The following B3GALT1 variants were observed in gnomAD, a reference collection of about 807,000 sequenced individuals.
B3GALT1 encodes the protein beta-1,3-galactosyltransferase 1.
B3GALT1 carries 10 observed loss-of-function variants against 23.2 expected under a neutral mutation model. That is an observed-to-expected ratio of 0.43 (90% CI 0.27 to 0.73). The LOEUF is 0.73. Ranked by LOEUF, B3GALT1 falls within the 30% of genes least tolerant of loss-of-function variation. The pLI, the probability that B3GALT1 is intolerant of heterozygous loss-of-function variation, is 0.21. For missense variants in B3GALT1, 299 were observed against 405.4 expected (o/e 0.74, Z 2.25); for synonymous variants, 156 against 141.5 (o/e 1.10, Z -0.73).
intron 1 of B3GALT1, among the ~76,000 whole-genome samples, chr2:167,417,257 C>T (rs773619356): frequency 2.0e-5 from 3 of 151,956 alleles, no homozygotes; most frequent in South Asian, 2.1e-4. Context: ...TAGGATTAAT[C>T]GATTAATGGA....
chr2:167,670,297 C>T (rs367563956), intron 3 of B3GALT1, among the ~76,000 whole-genome samples: 38 of 152,250 alleles, frequency 2.5e-4, no homozygotes, highest in African/African-American at 8.4e-4. Flanking sequence ...AGAAAACATG[C>T]AATCCTAAGA....
chr2:167,301,876 G>T (rs909386915), intron 1 of B3GALT1, among the ~76,000 whole-genome samples: 1 of 152,122 alleles, frequency 6.6e-6, no homozygotes, highest in Non-Finnish European at 1.5e-5. Context: ...CCCAGTCCAA[G>T]ATCAAGGGAC....
intron 2 of B3GALT1, among the ~76,000 whole-genome samples, chr2:167,603,753 C>A (rs1222171618): frequency 6.6e-6 from 1 of 152,150 alleles, no homozygotes; most frequent in Non-Finnish European, 1.5e-5. Context: ...CCTTGAAGTT[C>A]AAATTGTCCT....
intron 2 of B3GALT1, among the ~76,000 whole-genome samples, chr2:167,584,442 A>G (rs1393622069): frequency 6.6e-6 from 1 of 152,198 alleles, no homozygotes; most frequent in Non-Finnish European, 1.5e-5. Flanking sequence ...CAGCACAGTC[A>G]TACACTTCTG....
chr2:167,451,928 C>T (rs567068368), intron 1 of B3GALT1, among the ~76,000 whole-genome samples: 1 of 152,100 alleles, frequency 6.6e-6, no homozygotes, highest in African/African-American at 2.4e-5. Context: ...GGGATTATTG[C>T]TGCCTTTGCT....
intron 1 of B3GALT1, among the ~76,000 whole-genome samples, chr2:167,364,024 C>T (rs930097736): frequency 1.3e-5 from 2 of 151,904 alleles, no homozygotes; most frequent in African/African-American, 4.8e-5. Flanking sequence ...ATTAGCCAGG[C>T]ATGGCGGCTG....
intron 1 of B3GALT1, among the ~76,000 whole-genome samples, chr2:167,330,707 C>T (rs1352990718): frequency 6.6e-6 from 1 of 152,118 alleles, no homozygotes; most frequent in Non-Finnish European, 1.5e-5. Flanking sequence ...ATATCAATCT[C>T]TTTGGTAAAT....
At chr2:167,714,308 C>T in intron 3 of B3GALT1, 2 of 1,496,672 alleles carry the variant, frequency 1.3e-6, no homozygotes, top group Non-Finnish European at 1.9e-6. Flanking sequence ...AGAAGGAGCC[C>T]TGTGAGCATC....
intron 1 of B3GALT1, among the ~76,000 whole-genome samples, chr2:167,437,856 C>T (rs1481367922): frequency 6.6e-6 from 1 of 152,156 alleles, no homozygotes; most frequent in Admixed American, 6.6e-5. Context: ...ATGACCTGAA[C>T]TGGAGATATT....
chr2:167,858,229 T>C (rs1690034633), intron 4 of B3GALT1, among the ~76,000 whole-genome samples: 1 of 151,832 alleles, frequency 6.6e-6, no homozygotes, highest in South Asian at 2.1e-4. Flanking sequence ...CCATTTTTTT[T>C]ACAACAGTGC....
intron 2 of B3GALT1, among the ~76,000 whole-genome samples, chr2:167,591,327 A>G (rs906794118): frequency 2.0e-5 from 3 of 152,104 alleles, no homozygotes; most frequent in Non-Finnish European, 2.9e-5. Context: ...GAGGCAGAGA[A>G]GAACAGTAGG....
chr2:167,566,598 A>G (rs1684175416), intron 2 of B3GALT1, among the ~76,000 whole-genome samples: 1 of 152,282 alleles, frequency 6.6e-6, no homozygotes, highest in South Asian at 2.1e-4. Flanking sequence ...CAGCCTCCTT[A>G]TTTGAATGAC....
At chr2:167,351,306 C>A (rs1697305077) in intron 1 of B3GALT1, among the ~76,000 whole-genome samples, 1 of 150,966 alleles carries the variant, frequency 6.6e-6, no homozygotes, top group Admixed American at 6.6e-5. Context: ...AAACCACACA[C>A]AAAAACAAAA....
chr2:167,575,714 G>C (rs1684369720), intron 2 of B3GALT1, among the ~76,000 whole-genome samples: 1 of 151,762 alleles, frequency 6.6e-6, no homozygotes, highest in East Asian at 1.9e-4. Flanking sequence ...CCTTTTAATT[G>C]AAGTTTTACG....
At chr2:167,657,284 T>TTGAATCCTCGGGACTGGC (rs1685971199) in intron 3 of B3GALT1, among the ~76,000 whole-genome samples, 1 of 152,070 alleles carries the variant, frequency 6.6e-6, no homozygotes, top group South Asian at 2.1e-4. Context: ...TTTTTGATCA[T>TTGAATCCTCGGGACTGGC]TGAATCCTCG....
chr2:167,536,996 G>A (rs545478236), intron 2 of B3GALT1, among the ~76,000 whole-genome samples: 9 of 152,182 alleles, frequency 5.9e-5, no homozygotes, highest in African/African-American at 2.2e-4. Flanking sequence ...GCAGATCCCT[G>A]GGCCAACTAA....
chr2:167,430,780 A>G (rs1192871210), intron 1 of B3GALT1, among the ~76,000 whole-genome samples: 2 of 152,166 alleles, frequency 1.3e-5, no homozygotes, highest in Non-Finnish European at 2.9e-5. Flanking sequence ...CAACATTATC[A>G]TCATTATTAT....
At chr2:167,757,255 A>C (rs546139854) in intron 3 of B3GALT1, among the ~76,000 whole-genome samples, 1 of 152,226 alleles carries the variant, frequency 6.6e-6, no homozygotes, top group African/African-American at 2.4e-5. Context: ...GGCTGTGTGT[A>C]ATAGCATCCC....
In B3GALT1 at chr2:167,610,726, T is replaced by C. The variant is rs1345936033; in HGVS notation, c.-409-36183T>C. On this transcript the variant is annotated intron_variant, in intron 2 of 4. Coordinates refer to ENST00000392690, the MANE Select transcript of B3GALT1 (RefSeq NM_020981.4). ...TGAAATCTAGGATGAGGAACAGGTA[T>C]CTGTGTTTGGAACAAGTGTGCATGT... is the stretch of plus-strand genomic sequence containing the variant. Among the ~76,000 whole-genome samples the C allele has an allele frequency of 2.6e-5, 4 of 151,874 alleles. No individual in the cohort carries two copies. In the East Asian group the frequency reaches 7.7e-4, roughly 29 times the overall value.
Sources: allele counts gnomAD v4.1 joint callset (sites outside exome capture counted in the v4.1 genomes callset), GRCh38; gene constraint gnomAD v4.1.1; transcripts MANE v1.5; gene names NCBI Gene and HGNC (gene_info 2026-07-23, HGNC 2026-07-21).